SPTAN1: variants seen among roughly 807,000 people sequenced by gnomAD.
The protein encoded by SPTAN1 is spectrin alpha chain, non-erythrocytic 1.
A neutral mutation model predicts 331.3 loss-of-function variants in SPTAN1; 61 were observed. That is an observed-to-expected ratio of 0.18 (90% CI 0.15 to 0.23). SPTAN1 has a LOEUF of 0.23. Among genes scored for constraint, SPTAN1 ranks in the 10% least tolerant of loss-of-function variants. The pLI is 1.00. For synonymous variants in SPTAN1, 1,153 were observed against 1,173.9 expected (o/e 0.98, Z 0.36); for missense variants, 2,043 against 3,147.9 (o/e 0.65, Z 8.40).
rs2131137645 is a variant in SPTAN1 at position 128,583,103 on chromosome 9, A to G, written c.1833A>G (p.Val611=). 1.9e-6 allele frequency: 3 copies of G among 1,614,210 alleles called. No individual in the cohort carries two copies. The highest frequency in any genetic ancestry group is 2.5e-6 in the Non-Finnish European group (3 of 1,180,046). The change falls in exon 15 of 57, where the codon GTA becomes GTG. Residue 611 remains valine, a synonymous_variant. Transcript: ENST00000372739. ...ATCCATCCAACCTACAAGGAAAAGT[A>G]CAGAAGCATCAGGCTTTTGAGGCTG... ...YKDPSNLQGK[V]QKHQAFEAEL... is the part of the protein sequence containing the mutation.
At chr9:128,618,625 A>G (rs537333974) in intron 43 of SPTAN1, among the ~76,000 whole-genome samples, 2 of 152,136 alleles carry the variant, frequency 1.3e-5, no homozygotes, top group East Asian at 3.9e-4. Flanking sequence ...CTGGGACTAC[A>G]GGCACCCGCC....
intron 3 of SPTAN1, among the ~76,000 whole-genome samples, chr9:128,570,324 ATATATATTTTTT>A (rs1455704863): frequency 1.9e-4 from 6 of 32,210 alleles, no homozygotes; most frequent in Non-Finnish European, 3.5e-4. Flanking sequence ...ATATATATAT[ATATATATTTTTT>A]TTTTTTTTTT....
intron 18 of SPTAN1, 82 bp from the exon 19 acceptor site, chr9:128,585,666 A>C: frequency 8.6e-7 from 1 of 1,164,884 alleles, no homozygotes; most frequent in Admixed American, 1.7e-5. Flanking sequence ...AGTGCCGTGA[A>C]CACACAGAGA....
intron 5 of SPTAN1, among the ~76,000 whole-genome samples, chr9:128,576,551 A>G (rs1157329385): frequency 6.6e-6 from 1 of 152,216 alleles, no homozygotes; most frequent in Non-Finnish European, 1.5e-5. Flanking sequence ...CAAACTATTT[A>G]TTAACATAAA....
Position 128,627,199 on chromosome 9 carries a change from T to C in SPTAN1, c.6577-187T>C. ...AGGTCCGCCTCTTCCTTGAAGCCCCTGGGGGGTGGGAACAGAGAAAGAACT... is the reference window on the plus strand; with the variant it reads ...AGGTCCGCCTCTTCCTTGAAGCCCCCGGGGGGTGGGAACAGAGAAAGAACT... On this transcript the variant is annotated intron_variant, in intron 49 of 56. Coordinates refer to ENST00000372739, the MANE Select transcript of SPTAN1 (RefSeq NM_001130438.3). The surrounding 1 kb of genome is among the most constrained non-coding windows in gnomAD (Gnocchi z 4.9). The C allele has an allele frequency of 3.1e-6, 2 of 646,204 alleles. No individual in the cohort carries two copies. Among genetic ancestry groups the C allele is most frequent in the South Asian group, 1.7e-5 (1 of 59,678 alleles). The allele number at this position is 646,204 out of a possible 1,614,324, so 40.0% of individuals were successfully genotyped here. A position where few individuals can be genotyped will look rare whatever the true frequency, so the allele number is the denominator to read the frequency against.
rs374248187 is a variant in SPTAN1 at position 128,577,959 on chromosome 9, G to A, written c.1086-151G>A. On this transcript the variant is annotated intron_variant, in intron 8 of 56. Transcript: ENST00000372739. The surrounding 1 kb of genome is among the most constrained non-coding windows in gnomAD (Gnocchi z 4.2). ...CAGCCTTCTCTTGCTTTCCTTCACA[G>A]TCTAGATTGGGAAATTTTCATATTT... The A allele has an allele frequency of 2.0e-6, 2 of 1,013,800 alleles. No individual in the cohort carries two copies. The highest frequency in any genetic ancestry group is 2.7e-5 in the South Asian group (2 of 72,956). 62.8% of individuals were successfully genotyped at this position (1,013,800 alleles called of 1,614,324 possible).
At chr9:128,612,349 A>C in intron 39 of SPTAN1, 103 bp downstream of exon 39, 1 of 1,461,732 alleles carries the variant, frequency 6.8e-7, no homozygotes, top group Non-Finnish European at 9.6e-7. Flanking sequence ...GGCTCACCAG[A>C]CACCCCTTTT....
intron 31 of SPTAN1, among the ~76,000 whole-genome samples, chr9:128,605,827 A>C (rs993366819): frequency 6.6e-6 from 1 of 152,136 alleles, no homozygotes; most frequent in Non-Finnish European, 1.5e-5. Flanking sequence ...TGCCGTCTCT[A>C]CCAAAAGTAC....
At chr9:128,620,035 A>G (rs377281314) in intron 44 of SPTAN1, among the ~76,000 whole-genome samples, 1 of 152,074 alleles carries the variant, frequency 6.6e-6, no homozygotes, top group East Asian at 1.9e-4. Flanking sequence ...GGCTAGACCA[A>G]CCTCCTTCAG....
At chr9:128,591,659 C>A (rs374831136) in intron 22 of SPTAN1, 34 bp downstream of exon 22, 10 of 1,612,128 alleles carry the variant, frequency 6.2e-6, no homozygotes, top group Non-Finnish European at 8.5e-6. Context: ...AAGGGCTAGG[C>A]GTCCCATAGG....
intron 15 of SPTAN1, 87 bp downstream of exon 15, chr9:128,583,368 C>G: frequency 7.5e-7 from 1 of 1,340,386 alleles, no homozygotes; most frequent in East Asian, 2.4e-5. Flanking sequence ...CATATACCCC[C>G]CAAGAAAGGT....
intron 52 of SPTAN1, among the ~76,000 whole-genome samples, chr9:128,630,932 C>T (rs1859616855): frequency 6.6e-6 from 1 of 152,120 alleles, no homozygotes; most frequent in Non-Finnish European, 1.5e-5. Flanking sequence ...TGGTCTCGAA[C>T]TCCTGACCTC....
At chr9:128,586,665 A>T (rs1402493621) in intron 19 of SPTAN1, among the ~76,000 whole-genome samples, 3 of 152,060 alleles carry the variant, frequency 2.0e-5, no homozygotes, top group African/African-American at 7.2e-5. Flanking sequence ...ACATACCAAC[A>T]TGCACACATA....
intron 27 of SPTAN1, among the ~76,000 whole-genome samples, chr9:128,600,767 A>C (rs890830612): frequency 1.3e-5 from 2 of 151,468 alleles, no homozygotes; most frequent in Admixed American, 6.6e-5. Context: ...AGTTCGAGCA[A>C]TTCTCCTGCC....
At position 128,584,414 on chromosome 9, in the gene SPTAN1, C is replaced by T. The variant is rs148258493; in HGVS notation, c.2326C>T (p.Arg776Trp). 1.7e-5 allele frequency: 27 copies of T among 1,613,998 alleles called. No individual in the cohort carries two copies. The highest frequency in any genetic ancestry group is 2.1e-5 in the Non-Finnish European group (25 of 1,180,032). The change falls in exon 17 of 57, where the codon CGG becomes TGG. Residue 776 changes from arginine (R) to tryptophan (W), a missense_variant. Arg to Trp is a moderately radical substitution (Grantham distance 101). Around this residue, in one of 12 missense-constraint regions of SPTAN1, gnomAD observed 1,038 missense variants for 1,531.5 expected, o/e 0.68. Coordinates refer to ENST00000372739, the MANE Select transcript of SPTAN1 (RefSeq NM_001130438.3). Reference protein sequence around the residue: ...YEALKEPMVARKQKLADSLRL... With the variant: ...YEALKEPMVAWKQKLADSLRL... Reference sequence around the variant, plus strand: ...GGCACTCAAGGAGCCCATGGTTGCCCGGAAGCAGAAGCTGGCCGATTCTCT... The same window carrying T: ...GGCACTCAAGGAGCCCATGGTTGCCTGGAAGCAGAAGCTGGCCGATTCTCT...
At position 128,632,643 on chromosome 9, in the gene SPTAN1, A is replaced by G. The variant is rs764875307; in HGVS notation, c.7085A>G (p.Tyr2362Cys). The G allele has an allele frequency of 2.5e-6, 4 of 1,614,070 alleles. No individual in the cohort carries two copies. The highest frequency in any genetic ancestry group is 3.4e-6 in the Non-Finnish European group (4 of 1,180,024). The change falls in exon 55 of 57, where the codon TAT becomes TGT. Residue 2362 changes from tyrosine to cysteine, a missense_variant. Around this residue, in one of 12 missense-constraint regions of SPTAN1, gnomAD observed 58 missense variants for 74.0 expected, o/e 0.78. Transcript: ENST00000372739. ...AAATCTTGCCTGCGCTCCCTGGGCT[A>G]TGACCTGCCCATGGTGGAGGAAGGG... ...EFKSCLRSLG[Y>C]DLPMVEEGEP...
chr9:128,604,225 T>A lies in SPTAN1; in HGVS notation c.3628-101T>A, dbSNP rs1589292760. 4 of 1,162,710 alleles carry A rather than the reference T, an allele frequency of 3.4e-6. No homozygotes were observed. The East Asian group carries it at 1.0e-4, about 29-fold the overall frequency. 72.0% of individuals were successfully genotyped at this position (1,162,710 alleles called of 1,614,324 possible). On this transcript the variant is annotated intron_variant, in intron 28 of 56. Coordinates refer to ENST00000372739, the MANE Select transcript of SPTAN1 (RefSeq NM_001130438.3). ...AAGGTTGGAAACAGGAAATTATATA[T>A]GCCCTAGCATCTCCTTCAAACAAAG... is the stretch of plus-strand genomic sequence containing the variant.
rs1851460084 is a variant in SPTAN1, at chr9:128,577,649, T to A, written c.1085+143T>A. On this transcript the variant is annotated intron_variant, in intron 8 of 56. Transcript: ENST00000372739. This position sits in a 1 kb window ranked among gnomAD's most constrained non-coding sequence, Gnocchi z 4.2. ...TGCAAATCACTTCTTACCTATGTTC[T>A]CTCTGTTTGGAGACTGGCAACTGTA... 3.5e-6 allele frequency: 4 copies of A among 1,149,540 alleles called. No homozygotes were observed. Among genetic ancestry groups the A allele is most frequent in the Non-Finnish European group, 5.1e-6 (4 of 781,952 alleles). 71.2% of individuals were successfully genotyped at this position (1,149,540 alleles called of 1,614,324 possible). A position where few individuals can be genotyped will look rare whatever the true frequency, so the allele number is the denominator to read the frequency against.
At chr9:128,562,986 G>A (rs1984183) in intron 1 of SPTAN1, among the ~76,000 whole-genome samples, 87 of 588 alleles carry the variant, frequency 0.15, 2 homozygotes, top group South Asian at 0.26. Context: ...ATATATACAT[G>A]TATGTGTATA....
Sources: gnomAD v4.1 joint callset for allele counts (sites outside exome capture counted in the v4.1 genomes callset) on GRCh38, gnomAD v4.1.1 for gene constraint, gnomAD v4.1.1 regional missense constraint, Gnocchi (gnomAD v3.1) non-coding constraint, MANE v1.5 for transcripts, NCBI Gene and HGNC (gene_info 2026-07-23, HGNC 2026-07-21) for gene names.